The following STAC variants were observed in gnomAD, a reference collection of about 807,000 sequenced individuals.
STAC encodes SH3 and cysteine rich domain.
In STAC, 43 loss-of-function variants were observed where a neutral mutation model predicts 48.8. That is an observed-to-expected ratio of 0.88 (90% CI 0.69 to 1.14). STAC has a LOEUF of 1.14. STAC is among the 50% of genes most tolerant of loss of function. The pLI is 0.00. For missense variants in STAC, 497 were observed against 504.0 expected (o/e 0.99, Z 0.13); for synonymous variants, 193 against 179.5 (o/e 1.07, Z -0.60).
At chr3:36,533,475 G>GTTTTTTTTT (rs58981589) in intron 10 of STAC, among the ~76,000 whole-genome samples, 1 of 61,396 alleles carries the variant, frequency 1.6e-5, no homozygotes, top group African/African-American at 6.4e-5. Flanking sequence ...TTGCTAGCAT[G>GTTTTTTTTT]TTTTTTTTTT....
intron 8 of STAC, among the ~76,000 whole-genome samples, chr3:36,508,008 T>C (rs1169612845): frequency 6.6e-6 from 1 of 152,208 alleles, no homozygotes; most frequent in Non-Finnish European, 1.5e-5. Flanking sequence ...TTAATTGTGA[T>C]GTTAGGGTAT....
At chr3:36,494,344 G>A (rs1358267961) in intron 6 of STAC, among the ~76,000 whole-genome samples, 2 of 152,154 alleles carry the variant, frequency 1.3e-5, no homozygotes, top group Non-Finnish European at 2.9e-5. Context: ...TCAAAGTCCT[G>A]CAGGACCTGA....
chr3:36,407,884 G>A (rs1700116333), intron 1 of STAC, among the ~76,000 whole-genome samples: 1 of 152,314 alleles, frequency 6.6e-6, no homozygotes, highest in South Asian at 2.1e-4. Flanking sequence ...TGAGGTGTCA[G>A]GATTTCAATC....
chr3:36,387,071 C>G (rs1699633184), intron 1 of STAC, among the ~76,000 whole-genome samples: 1 of 152,030 alleles, frequency 6.6e-6, no homozygotes, highest in Non-Finnish European at 1.5e-5. Context: ...TGGGGTTTAC[C>G]AAACCAACTT....
chr3:36,528,805 T>C, intron 9 of STAC, 43 bp from the exon 10 acceptor site: 1 of 1,608,106 alleles, frequency 6.2e-7, no homozygotes, highest in Non-Finnish European at 8.5e-7. Flanking sequence ...ACTATTATAA[T>C]ACATGCTACA....
intron 2 of STAC, among the ~76,000 whole-genome samples, chr3:36,456,062 CGT>C (rs1275425597): frequency 6.9e-4 from 51 of 74,016 alleles, no homozygotes; most frequent in African/African-American, 2.6e-3. Context: ...CATACACACA[CGT>C]GCGCACACAC....
chr3:36,466,513 T>C (rs1407375733), intron 2 of STAC, among the ~76,000 whole-genome samples: 2 of 152,236 alleles, frequency 1.3e-5, no homozygotes, highest in East Asian at 3.8e-4. Flanking sequence ...TTTCCCAATA[T>C]TGATTAAACC....
chr3:36,499,950 C>T (rs1474144917), intron 6 of STAC, among the ~76,000 whole-genome samples: 2 of 151,990 alleles, frequency 1.3e-5, no homozygotes, highest in African/African-American at 4.8e-5. Context: ...GTGTTATTTA[C>T]ATGGTCATGT....
At chr3:36,452,078 A>G (rs1696699853) in intron 2 of STAC, among the ~76,000 whole-genome samples, 1 of 152,178 alleles carries the variant, frequency 6.6e-6, no homozygotes, top group African/African-American at 2.4e-5. Context: ...ATATTAGTCT[A>G]TAAAACCTAA....
chr3:36,505,743 C>T lies in STAC; in HGVS notation c.832-3C>T, dbSNP rs1401876772. 2 of 1,573,492 alleles carry T rather than the reference C, an allele frequency of 1.3e-6. No individual in the cohort carries two copies. Among genetic ancestry groups the T allele is most frequent in the Non-Finnish European group, 1.7e-6 (2 of 1,156,878 alleles). Reference sequence around the variant, plus strand: ...CTCATTTTTCTTTTATTTTCTCTTTCAGGGATCTCTTTCCAAAGACCCATT... The same window carrying T: ...CTCATTTTTCTTTTATTTTCTCTTTTAGGGATCTCTTTCCAAAGACCCATT... On this transcript the variant is annotated splice_region_variant and splice_polypyrimidine_tract_variant and intron_variant, in intron 7 of 10. Coordinates refer to ENST00000273183, the MANE Select transcript of STAC (RefSeq NM_003149.3).
intron 3 of STAC, among the ~76,000 whole-genome samples, chr3:36,483,360 T>C (rs1033380505): frequency 6.6e-6 from 1 of 152,216 alleles, no homozygotes; most frequent in Non-Finnish European, 1.5e-5. Flanking sequence ...TCAGTTTTAA[T>C]ACTGAAAGTC....
chr3:36,519,496 T>C (rs1306972760), intron 8 of STAC, among the ~76,000 whole-genome samples: 1 of 152,198 alleles, frequency 6.6e-6, no homozygotes, highest in African/African-American at 2.4e-5. Context: ...CTAGGTTCAT[T>C]GTTCTAAGTT....
At chr3:36,429,103 G>T (rs917348491) in intron 1 of STAC, among the ~76,000 whole-genome samples, 4 of 152,128 alleles carry the variant, frequency 2.6e-5, no homozygotes, top group African/African-American at 9.7e-5. Context: ...ATTGGCTAAT[G>T]GACTGAATGT....
At chr3:36,530,660 A>G (rs1325778098) in intron 10 of STAC, among the ~76,000 whole-genome samples, 1 of 133,024 alleles carries the variant, frequency 7.5e-6, no homozygotes, top group East Asian at 2.2e-4. Context: ...CAATGGCACA[A>G]TCTCGGCTCA....
chr3:36,414,764 GT>G (rs1321913485), intron 1 of STAC, among the ~76,000 whole-genome samples: 1 of 152,134 alleles, frequency 6.6e-6, no homozygotes, highest in East Asian at 1.9e-4. Flanking sequence ...AGAATTTTCA[GT>G]TTTTCTGTTC....
chr3:36,473,588 T>A (rs1697402535), intron 2 of STAC, among the ~76,000 whole-genome samples: 1 of 152,192 alleles, frequency 6.6e-6, no homozygotes, highest in Admixed American at 6.5e-5. Flanking sequence ...GTTCAAAGTC[T>A]CAGAGCTGAA....
In STAC at chr3:36,517,579, A is replaced by C. The variant is rs552029092; in HGVS notation, c.921-11117A>C. The stretch of plus-strand genomic sequence containing the variant: ...TGAAGCAGAAGGATCACTTGAGCCC[A>C]GGAGGTTGAGGCTGTAGTGAGCTAT... On this transcript the variant is annotated intron_variant, in intron 8 of 10. Coordinates refer to ENST00000273183, the MANE Select transcript of STAC (RefSeq NM_003149.3). 2.0e-5 allele frequency among the ~76,000 whole-genome samples: 3 copies of C among 152,308 alleles called. No individual in the cohort carries two copies. The East Asian group carries it at 5.8e-4, about 29-fold the overall frequency.
At chr3:36,390,736 ATGTTTTTATTT>A (rs1357395181) in intron 1 of STAC, among the ~76,000 whole-genome samples, 2 of 151,990 alleles carry the variant, frequency 1.3e-5, no homozygotes, top group African/African-American at 4.8e-5. Context: ...ATGTCCATGA[ATGTTTTTATTT>A]TGTTTTTGTA....
intron 8 of STAC, among the ~76,000 whole-genome samples, chr3:36,517,788 T>G (rs1441932279): frequency 6.6e-6 from 1 of 152,124 alleles, no homozygotes; most frequent in Non-Finnish European, 1.5e-5. Context: ...CACATCATCC[T>G]TCTGGCCAAG....
Sources: allele counts gnomAD v4.1 joint callset (sites outside exome capture counted in the v4.1 genomes callset), GRCh38; gene constraint gnomAD v4.1.1; transcripts MANE v1.5; gene names NCBI Gene and HGNC (gene_info 2026-07-23, HGNC 2026-07-21).